Variants in ITGBL1 observed in about 807,000 individuals in gnomAD.
ITGBL1 encodes the protein integrin beta-like protein 1.
A neutral mutation model predicts 68.5 loss-of-function variants in ITGBL1; 51 were observed. The ratio of observed to expected loss-of-function variants is 0.74; its 90% CI spans 0.59 to 0.94. The LOEUF (loss-of-function observed/expected upper bound fraction) is 0.94. Ranked by LOEUF, ITGBL1 falls within the 40% of genes least tolerant of loss-of-function variation. The probability of loss-of-function intolerance (pLI) is 0.00; values close to 1 mark genes in which losing one functional copy is unlikely to be tolerated. For synonymous variants in ITGBL1, 209 were observed against 227.3 expected, an observed-to-expected ratio of 0.92 and a Z score of 0.72; for missense variants, 649 against 647.4, an observed-to-expected ratio of 1.00 and a Z score of -0.03.
At chr13:101,545,488 A>T (rs1004196562) in intron 2 of ITGBL1, among the ~76,000 whole-genome samples, 5 of 152,202 alleles carry the variant, frequency 3.3e-5, no homozygotes, top group African/African-American at 1.2e-4. Context: ...AGAACAGAAA[A>T]CATAGAATAA....
chr13:101,554,746 G>A (rs1159172828), intron 2 of ITGBL1, among the ~76,000 whole-genome samples: 1 of 152,166 alleles, frequency 6.6e-6, no homozygotes, highest in Non-Finnish European at 1.5e-5. Context: ...CCCCTCCTGG[G>A]GTGGGGCAGG....
rs576399114 is a variant in ITGBL1 at position 101,581,850 on chromosome 13, G to A, written c.728-1366G>A. The stretch of plus-strand genomic sequence containing the variant: ...TATAAAAAGTACATATTGCAAAATC[G>A]CTACCCAGAAAGTTGTACCATTTCG... On this transcript the variant is annotated intron_variant, in intron 5 of 10. Coordinates refer to ENST00000376180, the MANE Select transcript of ITGBL1 (RefSeq NM_004791.3). Among the ~76,000 whole-genome samples the A allele has an allele frequency of 6.6e-5, 10 of 152,174 alleles. No homozygotes were observed. In the South Asian group the frequency reaches 1.5e-3, roughly 22 times the overall value.
At chr13:101,641,559 T>A (rs797000715) in intron 7 of ITGBL1, among the ~76,000 whole-genome samples, 15,214 of 149,808 alleles carry the variant, frequency 0.1, 1,036 homozygotes, top group African/African-American at 0.2. Context: ...TTATTTTTTC[T>A]TTTTTTTCTT....
chr13:101,571,681 T>A (rs2050274704), intron 3 of ITGBL1, among the ~76,000 whole-genome samples: 1 of 152,150 alleles, frequency 6.6e-6, no homozygotes, highest in Non-Finnish European at 1.5e-5. Context: ...TTTCTTTTTG[T>A]GTAAAGATAA....
rs78367370 is a variant in ITGBL1 at position 101,574,798 on chromosome 13, T to G, written c.464-626T>G. Among the ~76,000 whole-genome samples, 557 of 152,196 alleles carry G rather than the reference T, an allele frequency of 3.7e-3. 1 individual carries two copies. The highest frequency in any genetic ancestry group is 0.02 in the Middle Eastern group (6 of 294). ...AGACCAGATGACTACCATGCCTCTC[T>G]AACGTGGAGGTCCCCTGAGAATCTG... is the stretch of plus-strand genomic sequence containing the variant. On this transcript the variant is annotated intron_variant, in intron 3 of 10. Coordinates refer to ENST00000376180, the MANE Select transcript of ITGBL1 (RefSeq NM_004791.3).
chr13:101,604,511 A>T (rs748435312), intron 7 of ITGBL1, among the ~76,000 whole-genome samples: 3 of 151,740 alleles, frequency 2.0e-5, no homozygotes, highest in Non-Finnish European at 2.9e-5. Context: ...GCAGGGAATC[A>T]TGACAGTATG....
chr13:101,708,729 G>A (rs2034318611), intron 9 of ITGBL1, among the ~76,000 whole-genome samples: 10 of 152,226 alleles, frequency 6.6e-5, no homozygotes, highest in Admixed American at 6.5e-4. Flanking sequence ...GAATGCAGAT[G>A]TATTCACTTC....
At chr13:101,597,143 T>C (rs550111065) in intron 6 of ITGBL1, among the ~76,000 whole-genome samples, 10 of 152,238 alleles carry the variant, frequency 6.6e-5, no homozygotes, top group African/African-American at 1.9e-4. Flanking sequence ...TTGTTGATAA[T>C]GGAGAAGGCT....
chr13:101,637,565 G>A (rs1362636718), intron 7 of ITGBL1, among the ~76,000 whole-genome samples: 6 of 151,954 alleles, frequency 3.9e-5, no homozygotes, highest in African/African-American at 1.2e-4. Context: ...GAAAGGTCTC[G>A]ATCTCCTGAT....
chr13:101,464,368 A>G (rs1301407062), intron 2 of ITGBL1, among the ~76,000 whole-genome samples: 1 of 152,038 alleles, frequency 6.6e-6, no homozygotes, highest in Non-Finnish European at 1.5e-5. Flanking sequence ...TTGCCCATCC[A>G]TGGCCTCTAA....
intron 2 of ITGBL1, among the ~76,000 whole-genome samples, chr13:101,541,023 T>C (rs2049687945): frequency 7.9e-6 from 1 of 126,824 alleles, no homozygotes; most frequent in Non-Finnish European, 1.7e-5. Context: ...GACTTCCTCT[T>C]TTCCTAATTG....
At chr13:101,614,030 G>A in intron 7 of ITGBL1, among the ~76,000 whole-genome samples, 1 of 139,326 alleles carries the variant, frequency 7.2e-6, no homozygotes, top group Admixed American at 7.1e-5. Flanking sequence ...AGGGATAGGA[G>A]GGAAAGGAAT....
intron 7 of ITGBL1, among the ~76,000 whole-genome samples, chr13:101,599,966 C>A (rs550016355): frequency 1.3e-5 from 2 of 152,246 alleles, no homozygotes; most frequent in South Asian, 4.1e-4. Flanking sequence ...TTTTCCAATT[C>A]TGTGAAGAAA....
At chr13:101,484,261 C>T (rs2048669729) in intron 2 of ITGBL1, among the ~76,000 whole-genome samples, 1 of 152,024 alleles carries the variant, frequency 6.6e-6, no homozygotes, top group African/African-American at 2.4e-5. Flanking sequence ...CTCTAATACC[C>T]TAGGAAAACA....
intron 2 of ITGBL1, among the ~76,000 whole-genome samples, chr13:101,552,567 C>T (rs562118634): frequency 8.5e-5 from 13 of 152,116 alleles, no homozygotes; most frequent in Non-Finnish European, 1.6e-4. Context: ...AGAATAATTT[C>T]CTTGTTTTAA....
At chr13:101,625,224 G>A (rs761227437) in intron 7 of ITGBL1, among the ~76,000 whole-genome samples, 19 of 152,206 alleles carry the variant, frequency 1.2e-4, no homozygotes, top group Non-Finnish European at 2.2e-4. Flanking sequence ...CAGCCCTGCT[G>A]TGTACAGATT....
At chr13:101,683,131 T>G (rs1296957042) in intron 7 of ITGBL1, among the ~76,000 whole-genome samples, 1 of 152,090 alleles carries the variant, frequency 6.6e-6, no homozygotes, top group Non-Finnish European at 1.5e-5. Context: ...ATGCCCAGAT[T>G]CAGAAATAGA....
chr13:101,531,700 G>GTTATTTAT (rs10551253), intron 2 of ITGBL1, among the ~76,000 whole-genome samples: 53 of 140,044 alleles, frequency 3.8e-4, no homozygotes, highest in Admixed American at 1.0e-3. Flanking sequence ...TTTTTATTTT[G>GTTATTTAT]TTATTTATTT....
rs770748136 is a variant in ITGBL1 at position 101,714,524 on chromosome 13, G to A, written c.1366G>A (p.Asp456Asn). ...CTGTGACTGTGATGACAGAGACTGC[G>A]ACAAACATGATGGTCTCATTTGTAC... ...EFCDCDDRDC[D>N]KHDGLICTGN... Residue 456 changes from aspartate (D) to asparagine (N), a missense_variant, in exon 10 of 11, where the codon GAC becomes AAC. Coordinates refer to ENST00000376180, the MANE Select transcript of ITGBL1 (RefSeq NM_004791.3). 17 of 1,607,102 alleles carry A rather than the reference G, an allele frequency of 1.1e-5. No individual in the cohort carries two copies. Among genetic ancestry groups the A allele is most frequent in the East Asian group, 6.7e-5 (3 of 44,842 alleles).
Sources: gnomAD v4.1 joint callset for allele counts (sites outside exome capture counted in the v4.1 genomes callset) on GRCh38, gnomAD v4.1.1 for gene constraint, MANE v1.5 for transcripts, NCBI Gene and HGNC (gene_info 2026-07-23, HGNC 2026-07-21) for gene names.